Variants in CACNG8 observed in about 807,000 individuals in gnomAD.
CACNG8 encodes voltage-dependent calcium channel gamma-8 subunit.
A neutral mutation model predicts 26.9 loss-of-function variants in CACNG8; 5 were observed. The observed-to-expected ratio is 0.19, with a 90% confidence interval of 0.10 to 0.39. The LOEUF (loss-of-function observed/expected upper bound fraction) is 0.39. Among genes scored for constraint, CACNG8 ranks in the 10% least tolerant of loss-of-function variants. The pLI is 1.00. For missense variants in CACNG8, 473 were observed against 609.4 expected (o/e 0.78, Z 2.36); for synonymous variants, 321 against 296.7 (o/e 1.08, Z -0.84).
rs1255304321 is a variant in CACNG8 at position 53,985,332 on chromosome 19, G to A, written c.*2483G>A. On this transcript the variant is annotated 3_prime_UTR_variant, in exon 4 of 4. Transcript: ENST00000270458. ...TCTGCGTGCCCTTCTCTTGACGGAA[G>A]GGTACAGATCAGAGCTGGGTGTTCA... 1 of 55,006 alleles carries A rather than the reference G, an allele frequency of 1.8e-5. No homozygotes were observed. The highest frequency in any genetic ancestry group is 8.4e-4 in the East Asian group (1 of 1,186). 3.4% of individuals were successfully genotyped at this position (55,006 alleles called of 1,614,324 possible). A position where few individuals can be genotyped will look rare whatever the true frequency, so the allele number is the denominator to read the frequency against.
At chr19:53,980,114 G>T in intron 3 of CACNG8, 107 bp downstream of exon 3, 1 of 1,242,968 alleles carries the variant, frequency 8.0e-7, no homozygotes, top group Non-Finnish European at 1.1e-6. Context: ...GCAAGTGCGC[G>T]TTCGTGTGTC....
In CACNG8 at chr19:53,986,271, G is replaced by A. The variant is rs969649672; in HGVS notation, c.*3422G>A. ...AGCGTCAAGGAATGCTCCATTTCTG[G>A]TGTGTTGTTTTCCCAGTATTCAAGA... On this transcript the variant is annotated 3_prime_UTR_variant, in exon 4 of 4. Transcript: ENST00000270458. 2.0e-5 allele frequency: 3 copies of A among 152,408 alleles called. No homozygotes were observed. Among genetic ancestry groups the A allele is most frequent in the Non-Finnish European group, 4.4e-5 (3 of 68,046 alleles). The allele number at this position is 152,408 out of a possible 1,614,324, so 9.4% of individuals were successfully genotyped here.
intron 1 of CACNG8, among the ~76,000 whole-genome samples, chr19:53,974,672 C>T (rs376114198): frequency 1.2e-4 from 19 of 152,116 alleles, no homozygotes; most frequent in Admixed American, 1.0e-3. Flanking sequence ...GACAGAGTCT[C>T]GCTCTGTCAC....
Position 53,982,008 on chromosome 19 carries a change from A to AGGGGTC in CACNG8, c.509-67_509-62dup, listed in dbSNP as rs2069371565. 15 of 1,188,116 alleles carry AGGGGTC rather than the reference A, an allele frequency of 1.3e-5. No individual in the cohort carries two copies. The highest frequency in any genetic ancestry group is 1.6e-5 in the Non-Finnish European group (15 of 954,634). The allele number at this position is 1,188,116 out of a possible 1,614,324, so 73.6% of individuals were successfully genotyped here. On this transcript the variant is annotated intron_variant, in intron 3 of 3. Transcript: ENST00000270458. This position sits in a 1 kb window ranked among gnomAD's most constrained non-coding sequence, Gnocchi z 8.4. ...CCTGGGCCCGCTGGCGCAGGCGGGC[A>AGGGGTC]GGGGTCGGGGCCGGGGGCGGGGGCG...
intron 1 of CACNG8, 42 bp downstream of exon 1, chr19:53,963,467 C>T (rs1486168887): frequency 7.0e-7 from 1 of 1,421,882 alleles, no homozygotes. Context: ...CGCCGCTCCC[C>T]TCCGAGAGAC....
chr19:53,982,875 G>C lies in CACNG8; in HGVS notation c.*26G>C. On this transcript the variant is annotated 3_prime_UTR_variant, in exon 4 of 4. Coordinates refer to ENST00000270458, the MANE Select transcript of CACNG8 (RefSeq NM_031895.6). This position sits in a 1 kb window ranked among gnomAD's most constrained non-coding sequence, Gnocchi z 8.4. ...GGGCGCGGCGGGGGAGCCGAGGGGCGTGTCCGGGGCGCGTGCGCGGGCGCG... is the reference window on the plus strand; with the variant it reads ...GGGCGCGGCGGGGGAGCCGAGGGGCCTGTCCGGGGCGCGTGCGCGGGCGCG... 1.6e-6 allele frequency: 2 copies of C among 1,254,864 alleles called. No individual in the cohort carries two copies. Among genetic ancestry groups the C allele is most frequent in the South Asian group, 4.6e-5 (2 of 43,674 alleles). 77.7% of individuals were successfully genotyped at this position (1,254,864 alleles called of 1,614,324 possible).
intron 1 of CACNG8, among the ~76,000 whole-genome samples, chr19:53,970,132 C>T (rs917980652): frequency 6.6e-6 from 1 of 151,794 alleles, no homozygotes; most frequent in African/African-American, 2.4e-5. Context: ...CTGGCTAACA[C>T]GGTGAAACCC....
In CACNG8 at chr19:53,983,418, C is replaced by T. The variant is rs1035672332; in HGVS notation, c.*569C>T. Reference sequence around the variant, plus strand: ...TACCAGGCACTGGTACATAAGAAGGCATTGGAGCAGGGGACACGAACGAGG... The same window carrying T: ...TACCAGGCACTGGTACATAAGAAGGTATTGGAGCAGGGGACACGAACGAGG... On this transcript the variant is annotated 3_prime_UTR_variant, in exon 4 of 4. Coordinates refer to ENST00000270458, the MANE Select transcript of CACNG8 (RefSeq NM_031895.6). The T allele has an allele frequency of 6.6e-6, 1 of 152,136 alleles. No homozygotes were observed. Among genetic ancestry groups the T allele is most frequent in the Admixed American group, 6.5e-5 (1 of 15,276 alleles). The allele number at this position is 152,136 out of a possible 1,614,324, so 9.4% of individuals were successfully genotyped here.
chr19:53,963,335 A>C lies in CACNG8; in HGVS notation c.193A>C (p.Thr65Pro). The C allele has an allele frequency of 6.3e-7, 1 of 1,597,524 alleles. No homozygotes were observed. ...CCTCACGGCCGGCGGCGACGACGGG[A>C]CCCCCCACCGCGGGGGCGGCGGCGC... The change falls in exon 1 of 4, where the codon ACC becomes CCC. Residue 65 changes from threonine (T) to proline (P), a missense_variant. Physicochemically the swap from Thr to Pro is conservative, Grantham distance 38. This residue lies in a region of CACNG8 where 69 missense variants were observed against 66.7 expected (regional missense o/e 1.03). Transcript: ENST00000270458.
intron 3 of CACNG8, 74 bp downstream of exon 3, chr19:53,980,081 T>TGCGCGCGCGCGCGCGTGAGTGCAA (rs879171630): frequency 8.1e-7 from 1 of 1,230,108 alleles, no homozygotes; most frequent in African/African-American, 1.5e-5. Flanking sequence ...TGTGTGTGTG[T>TGCGCGCGCGCGCGCGTGAGTGCAA]GTGTGCGCGC....
In CACNG8 at chr19:53,982,357, T is replaced by A. The variant is rs774050852; in HGVS notation, c.786T>A (p.Arg262=). The change falls in exon 4 of 4, where the codon CGT becomes CGA. Residue 262 remains arginine (R), a synonymous_variant. Coordinates refer to ENST00000270458, the MANE Select transcript of CACNG8 (RefSeq NM_031895.6). The surrounding 1 kb of genome is among the most constrained non-coding windows in gnomAD (Gnocchi z 8.4). ...GGAGCGGCCCCTCGGCCATCCTCCG[T>A]CTGCCCAGTTACCGCTTCCGCTACC... The A allele has an allele frequency of 1.3e-6, 2 of 1,540,692 alleles. No homozygotes were observed. The highest frequency in any genetic ancestry group is 2.8e-5 in the African/African-American group (2 of 70,938).
rs1164395971 is a variant in CACNG8, at chr19:53,963,377, C to A, written c.235C>A (p.Pro79Thr). Residue 79 changes from proline (P) to threonine (T), a missense_variant, in exon 1 of 4, where the codon CCC (proline) becomes ACC (threonine). By Grantham distance (38) the Pro-to-Thr change is conservative (BLOSUM62 -1). Around this residue, in one of 6 missense-constraint regions of CACNG8, gnomAD observed 69 missense variants for 66.7 expected, o/e 1.03. Transcript: ENST00000270458. ...CGGCGGCGCCTCGGAGAAGAAGGACCCCGGCGGCCTCACGCACTCGGGCCT... is the reference window on the plus strand; with the variant it reads ...CGGCGGCGCCTCGGAGAAGAAGGACACCGGCGGCCTCACGCACTCGGGCCT... The A allele has an allele frequency of 3.2e-6, 5 of 1,584,794 alleles. No individual in the cohort carries two copies. The highest frequency in any genetic ancestry group is 3.5e-5 in the Admixed American group (2 of 57,916).
intron 1 of CACNG8, among the ~76,000 whole-genome samples, chr19:53,970,508 C>T (rs1377511869): frequency 6.7e-6 from 1 of 149,884 alleles, no homozygotes. Context: ...GCTTGTAGTC[C>T]CAGCTACTGG....
At chr19:53,980,152 C>T in intron 3 of CACNG8, 145 bp downstream of exon 3, 1 of 862,606 alleles carries the variant, frequency 1.2e-6, no homozygotes, top group Non-Finnish European at 1.6e-6. Flanking sequence ...CCGAGCACCC[C>T]CGGGGGCCCG....
chr19:53,963,203 G>T lies in CACNG8; in HGVS notation c.61G>T (p.Val21Leu), dbSNP rs561126096. Residue 21 changes from valine (V) to leucine (L), a missense_variant, in exon 1 of 4, where the codon GTG becomes TTG. Transcript: ENST00000270458. The stretch of plus-strand genomic sequence containing the variant: ...CCTCTGGTGCGAGAAGGGGGTGCAG[G>T]TGCTGCTGACGACGGTGGGCGCCTT... 13 of 1,602,300 alleles carry T rather than the reference G, an allele frequency of 8.1e-6. No homozygotes were observed. In the South Asian group the frequency reaches 1.4e-4, roughly 18 times the overall value.
intron 1 of CACNG8, among the ~76,000 whole-genome samples, chr19:53,974,108 TC>T (rs112626962): frequency 0.055 from 8,340 of 152,250 alleles, 273 homozygotes; most frequent in African/African-American, 0.079. Flanking sequence ...GTTAAATAAC[TC>T]CACATCCCCC....
At chr19:53,981,904 T>C (rs1385667199) in intron 3 of CACNG8, among the ~76,000 whole-genome samples, 176 bp from the exon 4 acceptor site, 1 of 151,582 alleles carries the variant, frequency 6.6e-6, no homozygotes, top group Non-Finnish European at 1.5e-5. Context: ...TGTTCACTTC[T>C]GGCAGGACTT....
intron 1 of CACNG8, among the ~76,000 whole-genome samples, chr19:53,976,518 A>T (rs1444465281): frequency 6.6e-6 from 1 of 152,162 alleles, no homozygotes; most frequent in African/African-American, 2.4e-5. Flanking sequence ...TCACTCCCTT[A>T]TATTAATTCT....
At chr19:53,977,567 A>G (rs1011753055) in intron 1 of CACNG8, among the ~76,000 whole-genome samples, 12 of 152,088 alleles carry the variant, frequency 7.9e-5, no homozygotes, top group African/African-American at 2.4e-4. Flanking sequence ...TCCCTGCAGA[A>G]AGAGACTGGA....
Sources: gnomAD v4.1 joint callset for allele counts (sites outside exome capture counted in the v4.1 genomes callset) on GRCh38, gnomAD v4.1.1 for gene constraint, gnomAD v4.1.1 regional missense constraint, Gnocchi (gnomAD v3.1) non-coding constraint, MANE v1.5 for transcripts, NCBI Gene and HGNC (gene_info 2026-07-23, HGNC 2026-07-21) for gene names.